CMIP: variants seen among roughly 807,000 people sequenced by gnomAD.
The protein encoded by CMIP is C-Maf-inducing protein.
A neutral mutation model predicts 97.3 loss-of-function variants in CMIP; 13 were observed. The observed-to-expected ratio is 0.13, with a 90% CI of 0.09 to 0.21. The LOEUF (loss-of-function observed/expected upper bound fraction) is 0.21, where lower values mean the gene tolerates loss of function less well. Ranked by LOEUF, CMIP falls within the 10% of genes least tolerant of loss-of-function variation. The pLI, the probability that CMIP is intolerant of heterozygous loss-of-function variation, is 1.00. For missense variants in CMIP, 847 were observed against 1,024.9 expected (o/e 0.83, Z 2.37); for synonymous variants, 538 against 436.3 (o/e 1.23, Z -2.91).
intron 7 of CMIP, chr16:81,664,684 T>G: frequency 1.9e-6 from 1 of 540,466 alleles, no homozygotes; most frequent in Non-Finnish European, 3.3e-6. Flanking sequence ...TGCACTCCTT[T>G]AGTGTGTGCT....
chr16:81,699,271 A>G (rs1364786512), intron 14 of CMIP, among the ~76,000 whole-genome samples: 2 of 152,216 alleles, frequency 1.3e-5, no homozygotes, highest in Non-Finnish European at 2.9e-5. Context: ...AAATAAAAAT[A>G]GCAAGGGCTA....
intron 1 of CMIP, among the ~76,000 whole-genome samples, chr16:81,492,206 G>A (rs900094155): frequency 6.6e-6 from 1 of 152,206 alleles, no homozygotes; most frequent in Non-Finnish European, 1.5e-5. Flanking sequence ...CCCGCAGAGT[G>A]GAGCCCATCT....
intron 1 of CMIP, among the ~76,000 whole-genome samples, chr16:81,469,798 G>A (rs2927299): frequency 0.64 from 97,428 of 152,124 alleles, 31,242 homozygotes; most frequent in East Asian, 0.77. Context: ...AATAACACCC[G>A]ACAGCCAGGC....
At chr16:81,703,259 G>A (rs1907620487) in intron 17 of CMIP, among the ~76,000 whole-genome samples, 1 of 151,936 alleles carries the variant, frequency 6.6e-6, no homozygotes, top group Admixed American at 6.6e-5. Context: ...TAGTGTGTGG[G>A]GCCACACACT....
intron 1 of CMIP, among the ~76,000 whole-genome samples, chr16:81,506,534 A>G (rs1371437532): frequency 2.0e-5 from 3 of 152,274 alleles, no homozygotes; most frequent in Non-Finnish European, 2.9e-5. Context: ...GGTAATGGAA[A>G]TAACAATCAG....
intron 11 of CMIP, among the ~76,000 whole-genome samples, chr16:81,692,207 C>T (rs1567666331): frequency 6.6e-6 from 1 of 152,196 alleles, no homozygotes; most frequent in African/African-American, 2.4e-5. Flanking sequence ...GCTCCTCTTC[C>T]GAGGGCGATA....
chr16:81,664,399 C>T, intron 7 of CMIP, 50 bp downstream of exon 7: 1 of 1,524,872 alleles, frequency 6.6e-7, no homozygotes, highest in South Asian at 1.2e-5. Flanking sequence ...GAACATGAGG[C>T]CCCGCGCGCC....
intron 1 of CMIP, among the ~76,000 whole-genome samples, chr16:81,566,687 A>G (rs1331704801): frequency 6.6e-6 from 1 of 152,208 alleles, no homozygotes; most frequent in African/African-American, 2.4e-5. Flanking sequence ...CTGTCTACTA[A>G]CAGACATAAA....
At chr16:81,535,322 G>T (rs772229498) in intron 1 of CMIP, among the ~76,000 whole-genome samples, 5 of 152,204 alleles carry the variant, frequency 3.3e-5, no homozygotes, top group South Asian at 4.1e-4. Context: ...CAAGCAACCT[G>T]CCCAAGGTCA....
intron 1 of CMIP, among the ~76,000 whole-genome samples, chr16:81,470,937 C>A (rs138834278): frequency 6.6e-6 from 1 of 152,346 alleles, no homozygotes; most frequent in Non-Finnish European, 1.5e-5. Flanking sequence ...GGTGTACATA[C>A]ACATAGGCAC....
At chr16:81,676,215 A>G (rs1206385473) in intron 9 of CMIP, among the ~76,000 whole-genome samples, 2 of 152,186 alleles carry the variant, frequency 1.3e-5, no homozygotes, top group Non-Finnish European at 2.9e-5. Flanking sequence ...CGGAGCCCAC[A>G]GTAGCCTGGG....
intron 7 of CMIP, 116 bp from the exon 8 acceptor site, chr16:81,670,026 C>A: frequency 1.1e-6 from 1 of 951,554 alleles, no homozygotes; most frequent in Non-Finnish European, 1.6e-6. Context: ...CATTGCCTTC[C>A]ACATCAACAG....
chr16:81,614,176 G>A lies in CMIP; in HGVS notation c.426+6484G>A, dbSNP rs141252915. ...GAGTCCAGCGGGCAGCGGAGAGAAG[G>A]GGGTGACAGCAGAATGTTCCTGGTG... On this transcript the variant is annotated intron_variant, in intron 2 of 20. Transcript: ENST00000537098. The surrounding 1 kb of genome is among the most constrained non-coding windows in gnomAD (Gnocchi z 5.3). Among the ~76,000 whole-genome samples the A allele has an allele frequency of 3.3e-5, 5 of 152,298 alleles. No individual in the cohort carries two copies. The highest frequency in any genetic ancestry group is 7.4e-5 in the Non-Finnish European group (5 of 68,014).
chr16:81,657,436 C>G (rs1000590634), intron 4 of CMIP, among the ~76,000 whole-genome samples: 10 of 152,136 alleles, frequency 6.6e-5, no homozygotes, highest in Non-Finnish European at 1.3e-4. Context: ...TGACGAGGGC[C>G]AGATCCTCTC....
intron 18 of CMIP, among the ~76,000 whole-genome samples, chr16:81,704,919 A>G (rs1395525135): frequency 6.6e-6 from 1 of 151,670 alleles, no homozygotes; most frequent in Non-Finnish European, 1.5e-5. Flanking sequence ...TAGAGCTGAG[A>G]CGTGAGCCAG....
intron 1 of CMIP, among the ~76,000 whole-genome samples, chr16:81,545,397 T>G (rs1229588752): frequency 6.6e-6 from 1 of 152,218 alleles, no homozygotes; most frequent in Non-Finnish European, 1.5e-5. Context: ...TTAGGTTCTG[T>G]ACTAAGATGA....
intron 1 of CMIP, among the ~76,000 whole-genome samples, chr16:81,487,951 G>A (rs148113162): frequency 3.3e-5 from 5 of 152,278 alleles, no homozygotes; most frequent in South Asian, 2.1e-4. Context: ...GACTGCTCTC[G>A]GCTTCTGCTC....
intron 1 of CMIP, among the ~76,000 whole-genome samples, chr16:81,604,214 T>G (rs1404913811): frequency 2.7e-5 from 4 of 150,204 alleles, no homozygotes; most frequent in South Asian, 4.2e-4. Context: ...GCCAACATGG[T>G]GAAACCCCAT....
chr16:81,680,730 G>T (rs1209295927), intron 10 of CMIP, among the ~76,000 whole-genome samples: 3 of 152,196 alleles, frequency 2.0e-5, no homozygotes, highest in Admixed American at 1.3e-4. Context: ...CGGCAGCCGG[G>T]TTAGGGCGCC....
Sources: allele counts gnomAD v4.1 joint callset (sites outside exome capture counted in the v4.1 genomes callset), GRCh38; gene constraint gnomAD v4.1.1; non-coding constraint Gnocchi (gnomAD v3.1); transcripts MANE v1.5; gene names NCBI Gene and HGNC (gene_info 2026-07-23, HGNC 2026-07-21).